The following ZEB1 variants were observed in gnomAD, a reference collection of about 807,000 sequenced individuals.
ZEB1 encodes the protein zinc finger E-box-binding homeobox 1.
Under a neutral mutation model 84.9 loss-of-function variants are expected in ZEB1, and 21 were observed. The ratio of observed to expected loss-of-function variants is 0.25; its 90% CI spans 0.18 to 0.36. ZEB1 has a LOEUF of 0.36. Among genes scored for constraint, ZEB1 ranks in the 10% least tolerant of loss-of-function variants. ZEB1 has a pLI of 1.00. For missense variants in ZEB1, 1,104 were observed against 1,330.2 expected (o/e 0.83, Z 2.65); for synonymous variants, 420 against 471.1 (o/e 0.89, Z 1.41).
intron 4 of ZEB1, among the ~76,000 whole-genome samples, chr10:31,507,100 G>A (rs2069113678): frequency 2.0e-5 from 3 of 152,006 alleles, no homozygotes; most frequent in South Asian, 4.2e-4. Flanking sequence ...ATTTTGCTGG[G>A]TATGATATTC....
intron 2 of ZEB1, among the ~76,000 whole-genome samples, chr10:31,495,550 G>C (rs2067102818): frequency 1.3e-5 from 2 of 151,914 alleles, no homozygotes; most frequent in African/African-American, 2.4e-5. Context: ...TTCCTTTTCA[G>C]ATTTCGGGAA....
At chr10:31,454,696 G>A (rs796702427) in intron 1 of ZEB1, among the ~76,000 whole-genome samples, 4 of 152,066 alleles carry the variant, frequency 2.6e-5, no homozygotes, top group Non-Finnish European at 5.9e-5. Context: ...TAGGAATACA[G>A]CTTACAAGGG....
At chr10:31,472,721 A>G (rs1011413643) in intron 2 of ZEB1, among the ~76,000 whole-genome samples, 6 of 138,008 alleles carry the variant, frequency 4.3e-5, no homozygotes, top group African/African-American at 1.9e-4. Flanking sequence ...GGCCAGCATC[A>G]TTCTGATACC....
intron 8 of ZEB1, 85 bp from the exon 9 acceptor site, chr10:31,526,587 T>A: frequency 6.6e-7 from 1 of 1,521,662 alleles, no homozygotes; most frequent in Non-Finnish European, 8.9e-7. Flanking sequence ...CTCCCCTTTC[T>A]ACAACATGAA....
At position 31,373,193 on chromosome 10, in the gene ZEB1, TTGTGTG is replaced by T. The variant is rs527915359; in HGVS notation, c.58+53921_58+53926del. On this transcript the variant is annotated intron_variant, in intron 1 of 8. Coordinates refer to ENST00000424869, the MANE Select transcript of ZEB1 (RefSeq NM_001174096.2). The stretch of plus-strand genomic sequence containing the variant: ...TCAATGGTAAGAGTTTTCATTTAAA[TTGTGTG>T]TGTGTGTGTGTGTGTGTGTAAAGCC... 182 of 973,018 alleles carry T rather than the reference TTGTGTG, an allele frequency of 1.9e-4. 2 individuals carry two copies. In the African/African-American group the frequency reaches 2.4e-3, roughly 13 times the overall value. 60.3% of individuals were successfully genotyped at this position (973,018 alleles called of 1,614,324 possible).
chr10:31,521,588 T>C lies in ZEB1; in HGVS notation c.2256T>C (p.Thr752=). 6.2e-7 allele frequency: 1 copy of C among 1,614,134 alleles called. No individual in the cohort carries two copies. The highest frequency in any genetic ancestry group is 8.5e-7 in the Non-Finnish European group (1 of 1,180,024). Residue 752 remains threonine, a synonymous_variant, in exon 7 of 9, where the codon ACT becomes ACC. Transcript: ENST00000424869. ...KQQGELLERS[T]ITSVYQNSVY... ...AGGGAGAATTATTAGAAAGGTCAACTATCACTAGTGTTTACCAGAACAGTG... is the reference window on the plus strand; with the variant it reads ...AGGGAGAATTATTAGAAAGGTCAACCATCACTAGTGTTTACCAGAACAGTG...
At chr10:31,414,541 A>G (rs1446321129) in intron 1 of ZEB1, among the ~76,000 whole-genome samples, 1 of 152,220 alleles carries the variant, frequency 6.6e-6, no homozygotes, top group Non-Finnish European at 1.5e-5. Context: ...GGGCTACTAC[A>G]TGCAACTGAT....
chr10:31,360,357 A>G (rs968318852), intron 1 of ZEB1, among the ~76,000 whole-genome samples: 1 of 152,220 alleles, frequency 6.6e-6, no homozygotes, highest in Non-Finnish European at 1.5e-5. Flanking sequence ...TGTATATACT[A>G]TCTCTCACGG....
chr10:31,320,071 C>T (rs564900461), intron 1 of ZEB1: 10 of 151,452 alleles, frequency 6.6e-5, no homozygotes, highest in African/African-American at 2.2e-4. Context: ...GGCGCGGGTC[C>T]CTAAGCGCCC....
intron 1 of ZEB1, among the ~76,000 whole-genome samples, chr10:31,366,644 C>T (rs1259174189): frequency 6.6e-6 from 1 of 152,208 alleles, no homozygotes; most frequent in Admixed American, 6.5e-5. Context: ...TCCTGAAATA[C>T]CTGTAGTACT....
At chr10:31,470,911 A>G (rs1364016036) in intron 2 of ZEB1, among the ~76,000 whole-genome samples, 10 of 139,388 alleles carry the variant, frequency 7.2e-5, no homozygotes, top group African/African-American at 2.7e-4. Flanking sequence ...CCAATATTCA[A>G]CATTCTTAAA....
intron 1 of ZEB1, among the ~76,000 whole-genome samples, chr10:31,382,006 C>CAAAAAAAAAAAAAAAAAAA (rs535534850): frequency 2.5e-5 from 1 of 40,790 alleles, no homozygotes; most frequent in African/African-American, 4.5e-5. Context: ...GAGACTGTCT[C>CAAAAAAAAAAAAAAAAAAA]AAAAAAAAAA....
chr10:31,404,708 C>T lies in ZEB1; in HGVS notation c.59-56329C>T, dbSNP rs1449017135. ...CATTAAACTGTGGGTTGGATCTTGC[C>T]TTTTGTCTTGTTCAAACTGCACCTC... On this transcript the variant is annotated intron_variant, in intron 1 of 8. Transcript: ENST00000424869. Among the ~76,000 whole-genome samples the T allele has an allele frequency of 5.3e-5, 8 of 151,966 alleles. No individual in the cohort carries two copies. In the East Asian group the frequency reaches 1.5e-3, roughly 29 times the overall value.
intron 1 of ZEB1, among the ~76,000 whole-genome samples, chr10:31,397,158 T>TA (rs1181690861): frequency 3.6e-4 from 43 of 119,756 alleles, no homozygotes; most frequent in African/African-American, 1.0e-3. Flanking sequence ...ATCTTGGGTT[T>TA]TTTATTATTA....
At chr10:31,396,459 TG>T (rs34311068) in intron 1 of ZEB1, among the ~76,000 whole-genome samples, 2 of 152,204 alleles carry the variant, frequency 1.3e-5, no homozygotes, top group African/African-American at 4.8e-5. Context: ...GAATTTAATT[TG>T]GGTCCTGACA....
At chr10:31,475,047 T>C (rs1347080768) in intron 2 of ZEB1, among the ~76,000 whole-genome samples, 1 of 128,596 alleles carries the variant, frequency 7.8e-6, no homozygotes, top group Non-Finnish European at 1.6e-5. Context: ...AACATCACAC[T>C]CTGGGGACTG....
intron 1 of ZEB1, among the ~76,000 whole-genome samples, chr10:31,430,279 G>C (rs1000525834): frequency 6.6e-5 from 10 of 152,180 alleles, no homozygotes; most frequent in African/African-American, 2.4e-4. Flanking sequence ...AAACTGTGTA[G>C]TGGTAGCTTA....
At chr10:31,378,504 G>A (rs1448466939) in intron 1 of ZEB1, among the ~76,000 whole-genome samples, 1 of 151,380 alleles carries the variant, frequency 6.6e-6, no homozygotes, top group Non-Finnish European at 1.5e-5. Context: ...ATTTTCAAGG[G>A]TTTTGAATGC....
In ZEB1 at chr10:31,527,499, T is replaced by A; in HGVS notation, c.*235T>A. The A allele has an allele frequency of 9.1e-6, 5 of 551,356 alleles. No homozygotes were observed. The highest frequency in any genetic ancestry group is 1.5e-5 in the Non-Finnish European group (5 of 322,738). 34.2% of individuals were successfully genotyped at this position (551,356 alleles called of 1,614,324 possible). On this transcript the variant is annotated 3_prime_UTR_variant, in exon 9 of 9. Coordinates refer to ENST00000424869, the MANE Select transcript of ZEB1 (RefSeq NM_001174096.2). ...GAACCTCAGACCTAGTAATTTTTCA[T>A]GCAGTTTTCAAAGTTAGGAACAAGT...
Sources: gnomAD v4.1 joint callset for allele counts (sites outside exome capture counted in the v4.1 genomes callset) on GRCh38, gnomAD v4.1.1 for gene constraint, MANE v1.5 for transcripts, NCBI Gene and HGNC (gene_info 2026-07-23, HGNC 2026-07-21) for gene names.